The following KLK2 variants were observed in gnomAD, a reference collection of about 807,000 sequenced individuals.
KLK2 encodes kallikrein related peptidase 2.
Under a neutral mutation model 23.0 loss-of-function variants are expected in KLK2, and 17 were observed. The ratio of observed to expected loss-of-function variants is 0.74; its 90% CI spans 0.51 to 1.11. The LOEUF (loss-of-function observed/expected upper bound fraction) is 1.11. Ranked by LOEUF, KLK2 falls within the 50% of genes least tolerant of loss-of-function variation. The pLI is 0.00. For missense variants in KLK2, 330 were observed against 325.9 expected, an observed-to-expected ratio of 1.01 and a Z score of -0.10; for synonymous variants, 140 against 124.7, an observed-to-expected ratio of 1.12 and a Z score of -0.82.
In KLK2 at chr19:50,878,898, G is replaced by A. The variant is rs952982873; in HGVS notation, c.*339G>A. ...TTGTTTGTGGGGTGCAGAGATGGGA[G>A]GGGTGGGGCCCACCCTGGAAGAGTG... On this transcript the variant is annotated 3_prime_UTR_variant, in exon 5 of 5. Coordinates refer to ENST00000325321, the MANE Select transcript of KLK2 (RefSeq NM_005551.5). The A allele has an allele frequency of 6.9e-6, 2 of 289,286 alleles. No homozygotes were observed. Among genetic ancestry groups the A allele is most frequent in the Non-Finnish European group, 1.3e-5 (2 of 152,320 alleles). The allele number at this position is 289,286 out of a possible 1,614,324, so 17.9% of individuals were successfully genotyped here. A position where few individuals can be genotyped will look rare whatever the true frequency, so the allele number is the denominator to read the frequency against.
At chr19:50,874,646 A>C in intron 1 of KLK2, 75 bp from the exon 2 acceptor site, 1 of 1,390,620 alleles carries the variant, frequency 7.2e-7, no homozygotes, top group Non-Finnish European at 9.9e-7. Flanking sequence ...ATGTCTCTTC[A>C]AACCCACAGC....
Position 50,879,281 on chromosome 19 carries a change from CA to C in KLK2, c.*726del, listed in dbSNP as rs1308561809. 1 of 232,612 alleles carries C rather than the reference CA, an allele frequency of 4.3e-6. No individual in the cohort carries two copies. The highest frequency in any genetic ancestry group is 6.1e-5 in the East Asian group (1 of 16,492). The allele number at this position is 232,612 out of a possible 1,614,324, so 14.4% of individuals were successfully genotyped here. A position where few individuals can be genotyped will look rare whatever the true frequency, so the allele number is the denominator to read the frequency against. The stretch of plus-strand genomic sequence containing the variant: ...TAGGATACATACTGAAATCAGCAAA[CA>C]AAACAGATGTATAGATTAGAGTGTG... On this transcript the variant is annotated 3_prime_UTR_variant, in exon 5 of 5. Transcript: ENST00000325321.
At chr19:50,875,434 A>G (rs2090272853) in intron 2 of KLK2, among the ~76,000 whole-genome samples, 1 of 152,196 alleles carries the variant, frequency 6.6e-6, no homozygotes, top group African/African-American at 2.4e-5. Context: ...GGGGAGACAC[A>G]GGGAGGGCTG....
rs1247294794 is a variant in KLK2, at chr19:50,880,090, C to A, written c.*1531C>A. On this transcript the variant is annotated 3_prime_UTR_variant, in exon 5 of 5. Coordinates refer to ENST00000325321, the MANE Select transcript of KLK2 (RefSeq NM_005551.5). Reference sequence around the variant, plus strand: ...GAGCATTCAATCATTGTTTTATTTGCCTTCTTTTCACACCATTGGTGAGGG... The same window carrying A: ...GAGCATTCAATCATTGTTTTATTTGACTTCTTTTCACACCATTGGTGAGGG... 9 of 228,814 alleles carry A rather than the reference C, an allele frequency of 3.9e-5. No individual in the cohort carries two copies. Among genetic ancestry groups the A allele is most frequent in the Non-Finnish European group, 6.9e-5 (8 of 115,426 alleles). 14.2% of individuals were successfully genotyped at this position (228,814 alleles called of 1,614,324 possible). A position where few individuals can be genotyped will look rare whatever the true frequency, so the allele number is the denominator to read the frequency against.
Position 50,874,831 on chromosome 19 carries a change from G to A in KLK2, c.157G>A (p.Val53Ile). Reference protein sequence around the residue: ...YSHGWAHCGGVLVHPQWVLTA... With the variant: ...YSHGWAHCGGILVHPQWVLTA... ...TCATGGATGGGCACACTGTGGGGGT[G>A]TCCTGGTGCACCCCCAGTGGGTGCT... The change falls in exon 2 of 5, where the codon GTC becomes ATC. Residue 53 changes from valine (V) to isoleucine (I), a missense_variant. Coordinates refer to ENST00000325321, the MANE Select transcript of KLK2 (RefSeq NM_005551.5). The A allele has an allele frequency of 6.2e-7, 1 of 1,613,616 alleles. No individual in the cohort carries two copies. Among genetic ancestry groups the A allele is most frequent in the Non-Finnish European group, 8.5e-7 (1 of 1,179,826 alleles).
rs1010628455 is a variant in KLK2 at position 50,880,092 on chromosome 19, T to G, written c.*1533T>G. 2.2e-5 allele frequency: 5 copies of G among 229,166 alleles called. No individual in the cohort carries two copies. Among genetic ancestry groups the G allele is most frequent in the Non-Finnish European group, 4.3e-5 (5 of 115,524 alleles). The allele number at this position is 229,166 out of a possible 1,614,324, so 14.2% of individuals were successfully genotyped here. ...GCATTCAATCATTGTTTTATTTGCC[T>G]TCTTTTCACACCATTGGTGAGGGAG... On this transcript the variant is annotated 3_prime_UTR_variant, in exon 5 of 5. Transcript: ENST00000325321.
At position 50,874,713 on chromosome 19, in the gene KLK2, C is replaced by G. The variant is rs1179351515; in HGVS notation, c.47-8C>G. On this transcript the variant is annotated splice_region_variant and splice_polypyrimidine_tract_variant and intron_variant, in intron 1 of 4. Coordinates refer to ENST00000325321, the MANE Select transcript of KLK2 (RefSeq NM_005551.5). ...TCTGATCCCCCTGACCCAGCACCCC[C>G]TCCGCAGGTGCCGTGCCCCTCATCC... 1 of 1,606,132 alleles carries G rather than the reference C, an allele frequency of 6.2e-7. No homozygotes were observed. Among genetic ancestry groups the G allele is most frequent in the East Asian group, 2.2e-5 (1 of 44,818 alleles).
intron 2 of KLK2, 126 bp from the exon 3 acceptor site, chr19:50,876,346 T>C: frequency 1.3e-6 from 1 of 792,070 alleles, no homozygotes; most frequent in Non-Finnish European, 2.0e-6. Context: ...CGACTATATC[T>C]CCCCGACCCC....
Position 50,878,435 on chromosome 19 carries a change from G to A in KLK2, c.662G>A (p.Gly221Asp), listed in dbSNP as rs1464956347. ...GDSGGPLVCNGVLQGITSWGP... is the reference protein window; with the variant it reads ...GDSGGPLVCNDVLQGITSWGP... ...TCTGGGGGTCCACTTGTCTGTAATGGTGTGCTTCAAGGTATCACATCATGG... is the reference window on the plus strand; with the variant it reads ...TCTGGGGGTCCACTTGTCTGTAATGATGTGCTTCAAGGTATCACATCATGG... Residue 221 changes from glycine to aspartate, a missense_variant, in exon 5 of 5, where the codon GGT becomes GAT. Physicochemically the swap from Gly to Asp is moderately conservative, Grantham distance 94 (BLOSUM62 -1). Coordinates refer to ENST00000325321, the MANE Select transcript of KLK2 (RefSeq NM_005551.5). The A allele has an allele frequency of 2.5e-6, 4 of 1,613,874 alleles. No individual in the cohort carries two copies. The highest frequency in any genetic ancestry group is 2.2e-5 in the East Asian group (1 of 44,878).
intron 3 of KLK2, 38 bp from the exon 4 acceptor site, chr19:50,876,834 G>A: frequency 6.2e-7 from 1 of 1,611,076 alleles, no homozygotes; most frequent in South Asian, 1.1e-5. Flanking sequence ...AGAACCAGGT[G>A]GGGTCCGGCC....
At position 50,878,759 on chromosome 19, in the gene KLK2, G is replaced by A; in HGVS notation, c.*200G>A. On this transcript the variant is annotated 3_prime_UTR_variant, in exon 5 of 5. Transcript: ENST00000325321. ...AAGGAATGGGCAGACACAGGTGTAT[G>A]CCAATGTTTCTGAAATGGGTATAAT... The A allele has an allele frequency of 2.0e-6, 1 of 498,776 alleles. No homozygotes were observed. The highest frequency in any genetic ancestry group is 3.6e-6 in the Non-Finnish European group (1 of 278,318). 30.9% of individuals were successfully genotyped at this position (498,776 alleles called of 1,614,324 possible). A position where few individuals can be genotyped will look rare whatever the true frequency, so the allele number is the denominator to read the frequency against.
chr19:50,874,093 A>G (rs1325656989), intron 1 of KLK2: 1 of 152,170 alleles, frequency 6.6e-6, no homozygotes, highest in African/African-American at 2.4e-5. Flanking sequence ...TCCTTCCCTG[A>G]CTCTTTGCCC....
At chr19:50,874,507 T>TGGTC (rs1297252858) in intron 1 of KLK2, 2 of 493,396 alleles carry the variant, frequency 4.1e-6, no homozygotes, top group Non-Finnish European at 7.2e-6. Flanking sequence ...AGCTCCGTTC[T>TGGTC]CAGAGCATGA....
At chr19:50,878,364 G>A (rs2090310615) in intron 4 of KLK2, 40 bp from the exon 5 acceptor site, 1 of 1,581,574 alleles carries the variant, frequency 6.3e-7, no homozygotes, top group Non-Finnish European at 8.6e-7. Flanking sequence ...AGTTATTGGG[G>A]CCAATCTTTC....
chr19:50,879,983 G>C lies in KLK2; in HGVS notation c.*1424G>C, dbSNP rs1209712835. On this transcript the variant is annotated 3_prime_UTR_variant, in exon 5 of 5. Coordinates refer to ENST00000325321, the MANE Select transcript of KLK2 (RefSeq NM_005551.5). ...CCCCCTGGGGATTTGGTTTGGTCTT[G>C]TGATCAGGTGGTCTATGGGGCTATC... The C allele has an allele frequency of 4.3e-6, 1 of 230,014 alleles. No homozygotes were observed. 14.2% of individuals were successfully genotyped at this position (230,014 alleles called of 1,614,324 possible). A position where few individuals can be genotyped will look rare whatever the true frequency, so the allele number is the denominator to read the frequency against.
chr19:50,873,685 C>G (rs2090253562), intron 1 of KLK2, 166 bp downstream of exon 1: 1 of 572,888 alleles, frequency 1.7e-6, no homozygotes, highest in Admixed American at 3.1e-5. Flanking sequence ...CACACTAGGT[C>G]CCCGCTCCCT....
intron 3 of KLK2, 41 bp from the exon 4 acceptor site, chr19:50,876,831 G>A: frequency 6.2e-7 from 1 of 1,611,074 alleles, no homozygotes; most frequent in South Asian, 1.1e-5. Context: ...CAAAGAACCA[G>A]GTGGGGTCCG....
chr19:50,878,045 C>G lies in KLK2; in HGVS notation c.631-359C>G, dbSNP rs568370197. Among the ~76,000 whole-genome samples, 3 of 152,302 alleles carry G rather than the reference C, an allele frequency of 2.0e-5. No individual in the cohort carries two copies. The South Asian group carries it at 6.2e-4, about 32-fold the overall frequency. On this transcript the variant is annotated intron_variant, in intron 4 of 4. Transcript: ENST00000325321. Reference sequence around the variant, plus strand: ...ATGCCCTGGAGAGGGGACATCTAGTCAGAGAGTAGTCCTGAAGAGGTGGCC... The same window carrying G: ...ATGCCCTGGAGAGGGGACATCTAGTGAGAGAGTAGTCCTGAAGAGGTGGCC...
At chr19:50,873,549 C>T (rs766118997) in intron 1 of KLK2, 30 bp downstream of exon 1, 20 of 1,494,838 alleles carry the variant, frequency 1.3e-5, no homozygotes, top group South Asian at 2.4e-5. Context: ...GGAAGGGGGG[C>T]GGGTTCTGAC....
Sources: allele counts gnomAD v4.1 joint callset (sites outside exome capture counted in the v4.1 genomes callset), GRCh38; gene constraint gnomAD v4.1.1; transcripts MANE v1.5; gene names NCBI Gene and HGNC (gene_info 2026-07-23, HGNC 2026-07-21).